TENT5C: variants seen among roughly 807,000 people sequenced by gnomAD.
TENT5C encodes terminal nucleotidyltransferase 5C.
TENT5C carries 5 observed loss-of-function variants against 22.2 expected under a neutral mutation model. That is an observed-to-expected ratio of 0.22 (90% confidence interval 0.12 to 0.47). The LOEUF is 0.47. Ranked by LOEUF, TENT5C falls within the 20% of genes least tolerant of loss-of-function variation. TENT5C has a pLI of 0.99. For synonymous variants in TENT5C, 199 were observed against 195.4 expected, an observed-to-expected ratio of 1.02 and a Z score of -0.15; for missense variants, 364 against 500.9, an observed-to-expected ratio of 0.73 and a Z score of 2.61.
chr1:117,618,741 A>G (rs1653836807), intron 1 of TENT5C, among the ~76,000 whole-genome samples: 1 of 152,236 alleles, frequency 6.6e-6, no homozygotes, highest in Non-Finnish European at 1.5e-5. Context: ...CAAAGGGCAC[A>G]AAATAAGTTT....
intron 1 of TENT5C, among the ~76,000 whole-genome samples, chr1:117,615,991 A>G (rs1653774151): frequency 6.6e-6 from 1 of 152,324 alleles, no homozygotes; most frequent in South Asian, 2.1e-4. Context: ...TTTAATGGCT[A>G]TGAGAACTGG....
chr1:117,622,147 C>T (rs1431721398), intron 1 of TENT5C, among the ~76,000 whole-genome samples: 1 of 152,126 alleles, frequency 6.6e-6, no homozygotes, highest in African/African-American at 2.4e-5. Flanking sequence ...CTTGGTTCTA[C>T]CCTAGATGAC....
chr1:117,626,705 GTA>G lies in TENT5C; in HGVS notation c.*2663_*2664del. On this transcript the variant is annotated 3_prime_UTR_variant, in exon 2 of 2. Transcript: ENST00000369448. ...AGTGGTTCCTATTTTATGTGTGTGT[GTA>G]TGTGTGTGTGTTGAGTAACATGAAA... 4.0e-6 allele frequency: 1 copy of G among 248,106 alleles called. No homozygotes were observed. Among genetic ancestry groups the G allele is most frequent in the East Asian group, 6.0e-5 (1 of 16,588 alleles). 15.4% of individuals were successfully genotyped at this position (248,106 alleles called of 1,614,324 possible). A position where few individuals can be genotyped will look rare whatever the true frequency, so the allele number is the denominator to read the frequency against.
At chr1:117,609,937 C>T (rs116007055) in intron 1 of TENT5C, among the ~76,000 whole-genome samples, 457 of 152,152 alleles carry the variant, frequency 3.0e-3, no homozygotes, top group African/African-American at 0.011. Context: ...AGGTTTGGAG[C>T]TGAGGGGCAG....
In TENT5C at chr1:117,623,573, C is replaced by T. The variant is rs10923359; in HGVS notation, c.705C>T (p.Asn235=). ...HLQNRLIATK[N]PEEIRGGGLL... ...AGAACAGACTGATCGCCACCAAGAACCCAGAAGAAATCAGAGGCGGGGGAC... is the reference window on the plus strand; with the variant it reads ...AGAACAGACTGATCGCCACCAAGAATCCAGAAGAAATCAGAGGCGGGGGAC... The change falls in exon 2 of 2, where the codon AAC becomes AAT. Residue 235 remains asparagine (N), a synonymous_variant. Transcript: ENST00000369448. The T allele has an allele frequency of 2.6e-3, 4,272 of 1,613,966 alleles. 110 individuals carry two copies. In the African/African-American group the frequency reaches 0.049, roughly 19 times the overall value.
intron 1 of TENT5C, among the ~76,000 whole-genome samples, chr1:117,615,425 A>T (rs1653759671): frequency 6.6e-6 from 1 of 152,254 alleles, no homozygotes; most frequent in Admixed American, 6.5e-5. Flanking sequence ...GGGGAGTAGG[A>T]GGAATGGTAT....
At chr1:117,606,242 C>G (rs1351594137) in intron 1 of TENT5C, 89 bp downstream of exon 1, 1 of 150,528 alleles carries the variant, frequency 6.6e-6, no homozygotes, top group Admixed American at 6.6e-5. Context: ...GGTCCGCCCC[C>G]ACTAAGTGGT....
At chr1:117,614,363 T>G (rs17718103) in intron 1 of TENT5C, among the ~76,000 whole-genome samples, 21,624 of 152,226 alleles carry the variant, frequency 0.14, 1,865 homozygotes, top group Admixed American at 0.24. Flanking sequence ...AGGTCCATGG[T>G]CATTCGAAGC....
At chr1:117,610,342 C>G (rs12025288) in intron 1 of TENT5C, among the ~76,000 whole-genome samples, 3 of 152,130 alleles carry the variant, frequency 2.0e-5, no homozygotes, top group South Asian at 2.1e-4. Flanking sequence ...CCCTCCACCC[C>G]CCATGGCAGA....
intron 1 of TENT5C, among the ~76,000 whole-genome samples, chr1:117,608,159 T>C (rs1318511437): frequency 6.6e-6 from 1 of 152,118 alleles, no homozygotes; most frequent in Non-Finnish European, 1.5e-5. Context: ...GCAGCTTCAG[T>C]GAGCACATAG....
At position 117,627,805 on chromosome 1, in the gene TENT5C, T is replaced by A. The variant is rs1449306688; in HGVS notation, c.*3761T>A. 4.0e-6 allele frequency: 1 copy of A among 247,778 alleles called. No individual in the cohort carries two copies. Among genetic ancestry groups the A allele is most frequent in the Non-Finnish European group, 8.5e-6 (1 of 118,090 alleles). The allele number at this position is 247,778 out of a possible 1,614,324, so 15.3% of individuals were successfully genotyped here. On this transcript the variant is annotated 3_prime_UTR_variant, in exon 2 of 2. Transcript: ENST00000369448. The stretch of plus-strand genomic sequence containing the variant: ...AGATCTGGCAACTTTTCAGGATTAT[T>A]TGTGGAGAACTCTAAGGTTAAGATC...
At chr1:117,608,990 G>A (rs1186436139) in intron 1 of TENT5C, among the ~76,000 whole-genome samples, 2 of 152,276 alleles carry the variant, frequency 1.3e-5, no homozygotes, top group East Asian at 1.9e-4. Context: ...GTTGCTTTTT[G>A]TGTTGTCATT....
At position 117,627,844 on chromosome 1, in the gene TENT5C, CTGTGTGTG is replaced by C. The variant is rs71766466; in HGVS notation, c.*3813_*3820del. On this transcript the variant is annotated 3_prime_UTR_variant, in exon 2 of 2. Coordinates refer to ENST00000369448, the MANE Select transcript of TENT5C (RefSeq NM_017709.4). ...AAGGTTAAGATCAGGAAATAAAAGA[CTGTGTGTG>C]TGTGTGTGTGTGCGTGTGTGTGTTC... 1.3e-5 allele frequency: 3 copies of C among 238,828 alleles called. No individual in the cohort carries two copies. The highest frequency in any genetic ancestry group is 1.3e-4 in the East Asian group (2 of 15,638). 14.8% of individuals were successfully genotyped at this position (238,828 alleles called of 1,614,324 possible).
chr1:117,608,090 A>C (rs896575787), intron 1 of TENT5C, among the ~76,000 whole-genome samples: 1 of 150,588 alleles, frequency 6.6e-6, no homozygotes, highest in Non-Finnish European at 1.5e-5. Context: ...AAAAAAAAAA[A>C]AAAACTCTGC....
At chr1:117,621,286 C>T (rs1391208206) in intron 1 of TENT5C, among the ~76,000 whole-genome samples, 1 of 152,174 alleles carries the variant, frequency 6.6e-6, no homozygotes, top group African/African-American at 2.4e-5. Context: ...CAACCAACAG[C>T]TCATGTTGTC....
intron 1 of TENT5C, among the ~76,000 whole-genome samples, chr1:117,613,952 G>T (rs1653722822): frequency 6.6e-6 from 1 of 152,160 alleles, no homozygotes; most frequent in Non-Finnish European, 1.5e-5. Context: ...TGGAAAAATA[G>T]TGAGCATAGG....
chr1:117,606,086 G>A lies in TENT5C; in HGVS notation c.-95G>A, dbSNP rs1653519342. 6.6e-6 allele frequency: 1 copy of A among 152,404 alleles called. No homozygotes were observed. Among genetic ancestry groups the A allele is most frequent in the Non-Finnish European group, 1.5e-5 (1 of 68,278 alleles). 9.4% of individuals were successfully genotyped at this position (152,404 alleles called of 1,614,324 possible). On this transcript the variant is annotated 5_prime_UTR_variant, in exon 1 of 2. Transcript: ENST00000369448. ...CCGCTGCCTAGGGGCTGTAGAGGTC[G>A]CGCCGCTCCTGCTGGGGCCTGCCCA...
At chr1:117,610,238 G>A (rs1419637595) in intron 1 of TENT5C, among the ~76,000 whole-genome samples, 1 of 151,962 alleles carries the variant, frequency 6.6e-6, no homozygotes. Flanking sequence ...TGTGCATTTG[G>A]AACTCCATCC....
chr1:117,610,992 G>A lies in TENT5C; in HGVS notation c.-28+4839G>A, dbSNP rs151180708. ...ACTGCAACTGCCCACACCCTCTTCC[G>A]TTGCCGTAAGCATCTCTCAACTTGT... On this transcript the variant is annotated intron_variant, in intron 1 of 1. Transcript: ENST00000369448. Among the ~76,000 whole-genome samples, 28 of 152,244 alleles carry A rather than the reference G, an allele frequency of 1.8e-4. No homozygotes were observed. The East Asian group carries it at 2.5e-3, about 14-fold the overall frequency.
Sources: gnomAD v4.1 joint callset for allele counts (sites outside exome capture counted in the v4.1 genomes callset) on GRCh38, gnomAD v4.1.1 for gene constraint, MANE v1.5 for transcripts, NCBI Gene and HGNC (gene_info 2026-07-23, HGNC 2026-07-21) for gene names.